Variants in PCDHA9 observed in about 807,000 individuals in gnomAD.
PCDHA9 encodes protocadherin alpha 9.
A neutral mutation model predicts 62.0 loss-of-function variants in PCDHA9; 62 were observed. That is an observed-to-expected ratio of 1.00 (90% confidence interval 0.81 to 1.23). The LOEUF (loss-of-function observed/expected upper bound fraction) is 1.23. PCDHA9 is among the 50% of genes most tolerant of loss of function. PCDHA9 has a pLI of 0.00. For synonymous variants in PCDHA9, 557 were observed against 567.6 expected (o/e 0.98, Z 0.27); for missense variants, 1,205 against 1,249.8 (o/e 0.96, Z 0.54).
intron 1 of PCDHA9, chr5:140,927,446 T>C (rs1554204540): frequency 6.2e-7 from 1 of 1,614,128 alleles, no homozygotes; most frequent in Non-Finnish European, 8.5e-7. Flanking sequence ...TACCCGGAGT[T>C]GGTGTTGGAG....
At chr5:140,982,415 A>C (rs1291195577) in intron 2 of PCDHA9, 60 bp from the exon 3 acceptor site, 1 of 1,610,020 alleles carries the variant, frequency 6.2e-7, no homozygotes, top group African/African-American at 1.3e-5. Flanking sequence ...CTGAGGGTGG[A>C]AGAAGAGATG....
At chr5:140,893,666 C>T (rs2064116335) in intron 1 of PCDHA9, among the ~76,000 whole-genome samples, 1 of 152,160 alleles carries the variant, frequency 6.6e-6, no homozygotes, top group African/African-American at 2.4e-5. Flanking sequence ...TAAAAAATTT[C>T]AGCACTTTGG....
chr5:140,995,674 A>G (rs1205485736), intron 3 of PCDHA9, among the ~76,000 whole-genome samples: 2 of 151,994 alleles, frequency 1.3e-5, no homozygotes, highest in East Asian at 3.9e-4. Flanking sequence ...TAAATGCAGC[A>G]TTTTTTTTAA....
chr5:140,857,735 G>A (rs782288464), intron 1 of PCDHA9: 1 of 1,597,334 alleles, frequency 6.3e-7, no homozygotes. Context: ...CAACGCTCCC[G>A]CGCTGCTGGC....
chr5:140,943,737 C>T (rs551964655), intron 1 of PCDHA9, among the ~76,000 whole-genome samples: 12 of 152,258 alleles, frequency 7.9e-5, no homozygotes, highest in African/African-American at 2.9e-4. Context: ...TGAAAGTCCA[C>T]AGTCTAAAAG....
At position 140,850,015 on chromosome 5, in the gene PCDHA9, A is replaced by G. The variant is rs2041294167; in HGVS notation, c.1520A>G (p.Tyr507Cys). The change falls in exon 1 of 4, where the codon TAC becomes TGC. Residue 507 changes from tyrosine to cysteine, a missense_variant. Coordinates refer to ENST00000532602, the MANE Select transcript of PCDHA9 (RefSeq NM_031857.2). ...RRLGERSLSS[Y>C]VSVHAESGKV... Reference sequence around the variant, plus strand: ...TTGGGCGAGCGCTCGCTGTCGAGCTACGTGTCAGTGCACGCGGAGAGCGGC... The same window carrying G: ...TTGGGCGAGCGCTCGCTGTCGAGCTGCGTGTCAGTGCACGCGGAGAGCGGC... 6.3e-7 allele frequency: 1 copy of G among 1,596,724 alleles called. No individual in the cohort carries two copies. Among genetic ancestry groups the G allele is most frequent in the Non-Finnish European group, 8.6e-7 (1 of 1,167,778 alleles).
intron 1 of PCDHA9, among the ~76,000 whole-genome samples, chr5:140,971,548 C>T (rs558563294): frequency 6.6e-6 from 1 of 152,246 alleles, no homozygotes; most frequent in African/African-American, 2.4e-5. Context: ...CCAGATCAAC[C>T]TGTTAAATTC....
intron 1 of PCDHA9, chr5:140,883,758 G>A (rs781858673): frequency 3.1e-6 from 5 of 1,612,920 alleles, no homozygotes; most frequent in South Asian, 1.1e-5. Context: ...CTGGTGGAGC[G>A]GCGGGTGGGC....
intron 1 of PCDHA9, chr5:140,859,239 A>G (rs1025873150): frequency 1.3e-5 from 2 of 152,746 alleles, no homozygotes; most frequent in Admixed American, 1.3e-4. Flanking sequence ...AGTCATGCTT[A>G]TGTTTAATAA....
chr5:140,871,301 C>T lies in PCDHA9; in HGVS notation c.2394+20412C>T, dbSNP rs781904724. 1.9e-6 allele frequency: 3 copies of T among 1,613,800 alleles called. No individual in the cohort carries two copies. In the African/African-American group the frequency reaches 4.0e-5, roughly 22 times the overall value. ...ACGCCCACTGAGGGCGCGTGCGCGC[C>T]GGGGAAGCCCACGCTGGTGTGCTCC... is the stretch of plus-strand genomic sequence containing the variant. On this transcript the variant is annotated intron_variant, in intron 1 of 3. Coordinates refer to ENST00000532602, the MANE Select transcript of PCDHA9 (RefSeq NM_031857.2).
rs189065461 is a variant in PCDHA9, at chr5:140,869,908, C to A, written c.2394+19019C>A. ...TGTGCTCAAACTAAACGCCACAGACCGAGACGAAGGAGTCAATGGAGAGGT... is the reference window on the plus strand; with the variant it reads ...TGTGCTCAAACTAAACGCCACAGACAGAGACGAAGGAGTCAATGGAGAGGT... On this transcript the variant is annotated intron_variant, in intron 1 of 3. Coordinates refer to ENST00000532602, the MANE Select transcript of PCDHA9 (RefSeq NM_031857.2). 6.2e-6 allele frequency: 10 copies of A among 1,610,646 alleles called. No homozygotes were observed. In the Admixed American group the frequency reaches 6.7e-5, roughly 11 times the overall value.
chr5:140,895,174 A>T (rs1554186407), intron 1 of PCDHA9, among the ~76,000 whole-genome samples: 2 of 152,150 alleles, frequency 1.3e-5, no homozygotes, highest in African/African-American at 4.8e-5. Context: ...ATCTATTTGT[A>T]GTCCCTTCTG....
chr5:141,000,462 T>C (rs1554257607), intron 3 of PCDHA9, among the ~76,000 whole-genome samples: 1 of 139,384 alleles, frequency 7.2e-6, no homozygotes, highest in Non-Finnish European at 1.5e-5. Flanking sequence ...AGTTTTGCTC[T>C]TGTTGCCCAA....
chr5:140,853,773 G>T lies in PCDHA9; in HGVS notation c.2394+2884G>T, dbSNP rs1314625859. The T allele has an allele frequency of 6.1e-6, 6 of 987,764 alleles. No homozygotes were observed. The African/African-American group carries it at 1.1e-4, about 17-fold the overall frequency. 61.2% of individuals were successfully genotyped at this position (987,764 alleles called of 1,614,324 possible). On this transcript the variant is annotated intron_variant, in intron 1 of 3. Transcript: ENST00000532602. ...GGCTCCACCTCAGAAATTCTGAAAT[G>T]GGTAGTAAGAGCAAATTTTCATTTT...
intron 1 of PCDHA9, chr5:140,882,902 C>T (rs1554176043): frequency 6.2e-7 from 1 of 1,614,196 alleles, no homozygotes; most frequent in Admixed American, 1.7e-5. Flanking sequence ...TAGTTTATTA[C>T]TGACAGCCAG....
Position 140,849,852 on chromosome 5 carries a change from C to G in PCDHA9, c.1357C>G (p.Pro453Ala). 6 of 1,598,608 alleles carry G rather than the reference C, an allele frequency of 3.8e-6. No individual in the cohort carries two copies. Among genetic ancestry groups the G allele is most frequent in the Non-Finnish European group, 5.1e-6 (6 of 1,168,000 alleles). Residue 453 changes from proline (P) to alanine (A), a missense_variant, in exon 1 of 4, where the codon CCA becomes GCA. Around this residue, in one of 3 missense-constraint regions of PCDHA9, gnomAD observed 887 missense variants for 809.5 expected, o/e 1.10. Coordinates refer to ENST00000532602, the MANE Select transcript of PCDHA9 (RefSeq NM_031857.2). The part of the protein sequence containing the change: ...VEVADVNDNA[P>A]AFAQSEYTVF... The stretch of plus-strand genomic sequence containing the variant: ...GGTGGCCGACGTGAACGACAACGCA[C>G]CAGCGTTCGCGCAGTCCGAGTACAC...
intron 1 of PCDHA9, chr5:140,968,724 G>C: frequency 6.2e-7 from 1 of 1,614,090 alleles, no homozygotes; most frequent in Non-Finnish European, 8.5e-7. Context: ...GATGAGAGTG[G>C]TAGCACTTTC....
In PCDHA9 at chr5:140,883,753, G is replaced by A. The variant is rs945452765; in HGVS notation, c.2394+32864G>A. 5 of 1,613,010 alleles carry A rather than the reference G, an allele frequency of 3.1e-6. No homozygotes were observed. The African/African-American group carries it at 5.3e-5, about 17-fold the overall frequency. ...ACGCGCTGGTCTCCTACTCGCTGGT[G>A]GAGCGGCGGGTGGGCGAGCGTGCGC... is the stretch of plus-strand genomic sequence containing the variant. On this transcript the variant is annotated intron_variant, in intron 1 of 3. Transcript: ENST00000532602.
chr5:140,914,130 A>G (rs552189632), intron 1 of PCDHA9, among the ~76,000 whole-genome samples: 2 of 152,146 alleles, frequency 1.3e-5, no homozygotes, highest in African/African-American at 4.8e-5. Flanking sequence ...TTCTTTGTTG[A>G]GTTTTTGTCT....
Sources: gnomAD v4.1 joint callset for allele counts (sites outside exome capture counted in the v4.1 genomes callset) on GRCh38, gnomAD v4.1.1 for gene constraint, gnomAD v4.1.1 regional missense constraint, MANE v1.5 for transcripts, NCBI Gene and HGNC (gene_info 2026-07-23, HGNC 2026-07-21) for gene names.